WDFY3: variants seen among roughly 807,000 people sequenced by gnomAD.
The protein encoded by WDFY3 is WD repeat and FYVE domain-containing protein 3.
A neutral mutation model predicts 409.6 loss-of-function variants in WDFY3; 66 were observed. The ratio of observed to expected loss-of-function variants is 0.16; its 90% CI spans 0.13 to 0.20. The LOEUF (loss-of-function observed/expected upper bound fraction) is 0.20. WDFY3 is among the 10% of genes least tolerant of loss of function. The pLI is 1.00. For missense variants in WDFY3, 3,031 were observed against 4,298.1 expected, an observed-to-expected ratio of 0.71 and a Z score of 8.24; for synonymous variants, 1,521 against 1,537.1, an observed-to-expected ratio of 0.99 and a Z score of 0.25.
At chr4:84,703,831 T>C (rs1216411248) in intron 55 of WDFY3, among the ~76,000 whole-genome samples, 2 of 152,196 alleles carry the variant, frequency 1.3e-5, no homozygotes, top group African/African-American at 4.8e-5. Context: ...TGAAACACCT[T>C]ACAATTTTCT....
chr4:84,847,795 A>C (rs1325799904), intron 5 of WDFY3, among the ~76,000 whole-genome samples: 1 of 149,104 alleles, frequency 6.7e-6, no homozygotes, highest in Admixed American at 6.7e-5. Context: ...AAAACCAAAA[A>C]AAAAAACAAA....
At chr4:84,956,611 A>G (rs1220735797) in intron 1 of WDFY3, among the ~76,000 whole-genome samples, 2 of 152,212 alleles carry the variant, frequency 1.3e-5, no homozygotes, top group Admixed American at 6.5e-5. Flanking sequence ...ATAGTCCTCT[A>G]AACTCCCAAA....
Position 84,671,151 on chromosome 4 carries a change from C to T in WDFY3, c.*1717G>A, listed in dbSNP as rs1291909455. 1 of 152,548 alleles carries T rather than the reference C, an allele frequency of 6.6e-6. No homozygotes were observed. Among genetic ancestry groups the T allele is most frequent in the African/African-American group, 2.4e-5 (1 of 41,426 alleles). The allele number at this position is 152,548 out of a possible 1,614,324, so 9.4% of individuals were successfully genotyped here. On this transcript the variant is annotated 3_prime_UTR_variant, in exon 68 of 68. Transcript: ENST00000295888. ...TCATATCAGGAAGAACAAATTTGTTCTTAAGCTGGTTTCAGCCCATCAGGT... is the reference window on the plus strand; with the variant it reads ...TCATATCAGGAAGAACAAATTTGTTTTTAAGCTGGTTTCAGCCCATCAGGT...
rs75720033 is a variant in WDFY3, at chr4:84,745,988, C to G, written c.5974-2189G>C. Among the ~76,000 whole-genome samples the G allele has an allele frequency of 3.4e-3, 515 of 151,886 alleles. 2 individuals carry two copies. Among genetic ancestry groups the G allele is most frequent in the African/African-American group, 0.011 (467 of 41,424 alleles). On this transcript the variant is annotated intron_variant, in intron 36 of 67. Coordinates refer to ENST00000295888, the MANE Select transcript of WDFY3 (RefSeq NM_014991.6). Reference sequence around the variant, plus strand: ...GCTAAGGAATAAAGCTGTCCAGTCACAGAAGGACATAAACATTTTGAAAAA... The same window carrying G: ...GCTAAGGAATAAAGCTGTCCAGTCAGAGAAGGACATAAACATTTTGAAAAA...
intron 32 of WDFY3, among the ~76,000 whole-genome samples, chr4:84,758,921 GTTT>G (rs1243969575): frequency 6.6e-6 from 1 of 152,102 alleles, no homozygotes; most frequent in African/African-American, 2.4e-5. Context: ...TTCTCCTAGG[GTTT>G]TTATGGTTTT....
At chr4:84,769,305 A>ACCATAGGT (rs1744215271) in intron 30 of WDFY3, among the ~76,000 whole-genome samples, 2 of 152,234 alleles carry the variant, frequency 1.3e-5, no homozygotes, top group Non-Finnish European at 2.9e-5. Flanking sequence ...AAGAAGTTCT[A>ACCATAGGT]CCATAGGTAA....
At chr4:84,869,124 G>A (rs542759652) in intron 3 of WDFY3, among the ~76,000 whole-genome samples, 1 of 152,288 alleles carries the variant, frequency 6.6e-6, no homozygotes, top group South Asian at 2.1e-4. Context: ...GGGAGAGTGA[G>A]CTCAGGAATG....
chr4:84,751,763 C>T, intron 35 of WDFY3, 47 bp from the exon 36 acceptor site: 1 of 1,591,326 alleles, frequency 6.3e-7, no homozygotes, highest in Non-Finnish European at 8.6e-7. Context: ...TAGACTCTGA[C>T]ATTTTTACTT....
intron 62 of WDFY3, among the ~76,000 whole-genome samples, chr4:84,685,299 C>A (rs1187338310): frequency 6.6e-6 from 1 of 152,128 alleles, no homozygotes; most frequent in South Asian, 2.1e-4. Context: ...GAGGACTGGG[C>A]CTGTTCCATC....
chr4:84,784,873 TATATATATATATATATATACAC>T (rs1004206013), intron 24 of WDFY3, among the ~76,000 whole-genome samples: 8 of 72,292 alleles, frequency 1.1e-4, no homozygotes, highest in African/African-American at 4.1e-4. Flanking sequence ...TATATATATA[TATATATATATATATATATACAC>T]ACACACACAC....
chr4:84,687,356 TG>T (rs1396963331), intron 62 of WDFY3, among the ~76,000 whole-genome samples: 1 of 152,160 alleles, frequency 6.6e-6, no homozygotes, highest in African/African-American at 2.4e-5. Flanking sequence ...TTGGCCAGGC[TG>T]GTCTGGAACT....
intron 10 of WDFY3, among the ~76,000 whole-genome samples, chr4:84,822,083 A>T (rs933348243): frequency 5.9e-5 from 9 of 152,200 alleles, no homozygotes; most frequent in African/African-American, 1.4e-4. Context: ...TCTAGCTAAC[A>T]GTACAATTTC....
intron 21 of WDFY3, among the ~76,000 whole-genome samples, chr4:84,793,417 T>C (rs920241400): frequency 7.9e-5 from 12 of 152,078 alleles, no homozygotes; most frequent in African/African-American, 1.7e-4. Flanking sequence ...GCTTGGGACA[T>C]AGACAAATGA....
intron 4 of WDFY3, among the ~76,000 whole-genome samples, chr4:84,854,064 A>T (rs1343935990): frequency 6.6e-6 from 1 of 152,170 alleles, no homozygotes; most frequent in African/African-American, 2.4e-5. Context: ...AAAGTAAAAT[A>T]GGGTAGCTGA....
At chr4:84,772,689 A>T (rs1322651963) in intron 30 of WDFY3, 146 bp downstream of exon 30, 4 of 637,380 alleles carry the variant, frequency 6.3e-6, no homozygotes, top group Non-Finnish European at 1.1e-5. Context: ...AATACATCAG[A>T]GAAGGGCCAA....
intron 3 of WDFY3, among the ~76,000 whole-genome samples, chr4:84,896,365 A>G (rs868018008): frequency 2.0e-5 from 3 of 152,128 alleles, no homozygotes; most frequent in Admixed American, 6.6e-5. Context: ...TAAATAACAC[A>G]TCCAACACAA....
chr4:84,950,423 A>T (rs1161992259), intron 1 of WDFY3, among the ~76,000 whole-genome samples: 1 of 152,184 alleles, frequency 6.6e-6, no homozygotes, highest in African/African-American at 2.4e-5. Context: ...AATAAAAAAA[A>T]AAAAAGGTTA....
At chr4:84,917,398 G>C (rs1403121455) in intron 2 of WDFY3, among the ~76,000 whole-genome samples, 1 of 152,058 alleles carries the variant, frequency 6.6e-6, no homozygotes, top group Admixed American at 6.6e-5. Context: ...CATTTAGTAG[G>C]GAAGTTTTAA....
intron 48 of WDFY3, among the ~76,000 whole-genome samples, chr4:84,717,678 A>G (rs545745871): frequency 1.3e-5 from 2 of 152,354 alleles, no homozygotes; most frequent in South Asian, 4.1e-4. Context: ...AAGAAAAGGA[A>G]GATGCCTACA....
Sources: gnomAD v4.1 joint callset for allele counts (sites outside exome capture counted in the v4.1 genomes callset) on GRCh38, gnomAD v4.1.1 for gene constraint, MANE v1.5 for transcripts, NCBI Gene and HGNC (gene_info 2026-07-23, HGNC 2026-07-21) for gene names.